EPHA6: variants seen among roughly 807,000 people sequenced by gnomAD.
EPHA6 encodes EPH receptor A6.
Under a neutral mutation model 112.0 loss-of-function variants are expected in EPHA6, and 50 were observed. The observed-to-expected ratio is 0.45, with a 90% CI of 0.36 to 0.56. The LOEUF is 0.56. EPHA6 is among the 20% of genes least tolerant of loss of function. The pLI, the probability that EPHA6 is intolerant of heterozygous loss-of-function variation, is 0.00. For missense variants in EPHA6, 1,280 were observed against 1,417.4 expected (o/e 0.90, Z 1.56); for synonymous variants, 529 against 490.7 (o/e 1.08, Z -1.03).
chr3:96,825,993 A>C (rs1268759970), intron 1 of EPHA6, among the ~76,000 whole-genome samples: 1 of 151,882 alleles, frequency 6.6e-6, no homozygotes, highest in African/African-American at 2.4e-5. Flanking sequence ...CTCACTTTGA[A>C]TACATCTAGG....
intron 1 of EPHA6, among the ~76,000 whole-genome samples, chr3:96,859,090 T>TA (rs2035860874): frequency 6.6e-6 from 1 of 150,518 alleles, no homozygotes; most frequent in African/African-American, 2.5e-5. Context: ...TTCTAAGACA[T>TA]ACATTTCTTG....
At chr3:97,046,110 C>A (rs1420793765) in intron 3 of EPHA6, among the ~76,000 whole-genome samples, 1 of 152,074 alleles carries the variant, frequency 6.6e-6, no homozygotes, top group Non-Finnish European at 1.5e-5. Flanking sequence ...TTAACACCTA[C>A]TTTACACAAG....
In EPHA6 at chr3:97,010,544, G is replaced by T. The variant is rs572801146; in HGVS notation, c.1114+22551G>T. Among the ~76,000 whole-genome samples the T allele has an allele frequency of 3.9e-5, 6 of 152,266 alleles. No homozygotes were observed. In the South Asian group the frequency reaches 1.2e-3, roughly 32 times the overall value. On this transcript the variant is annotated intron_variant, in intron 3 of 17. Transcript: ENST00000389672. Reference sequence around the variant, plus strand: ...CTTGTTATTTTTTAGCCATATATTAGTGGGTAGCATTTTTGTAATTAAACA... The same window carrying T: ...CTTGTTATTTTTTAGCCATATATTATTGGGTAGCATTTTTGTAATTAAACA...
intron 3 of EPHA6, among the ~76,000 whole-genome samples, chr3:97,000,579 A>T (rs2043617019): frequency 1.3e-5 from 2 of 151,706 alleles, no homozygotes; most frequent in South Asian, 4.2e-4. Context: ...TCACCTGTGG[A>T]TTTGTTGTTA....
At chr3:97,638,681 T>C (rs2093973318) in intron 14 of EPHA6, among the ~76,000 whole-genome samples, 1 of 152,190 alleles carries the variant, frequency 6.6e-6, no homozygotes, top group Non-Finnish European at 1.5e-5. Flanking sequence ...ATGGATAGTG[T>C]AAATATTTCT....
intron 3 of EPHA6, among the ~76,000 whole-genome samples, chr3:97,015,778 C>T (rs1225186794): frequency 2.7e-4 from 41 of 152,056 alleles, no homozygotes; most frequent in Admixed American, 2.6e-3. Context: ...TGACAAGGCT[C>T]CCAGACTCTG....
At chr3:97,733,125 A>T (rs1466591) in intron 15 of EPHA6, among the ~76,000 whole-genome samples, 149,350 of 152,136 alleles carry the variant, frequency 0.98, 73,328 homozygotes, top group East Asian at 0.99. Flanking sequence ...GTCAAGAGGC[A>T]TAAGCAACCT....
At chr3:97,552,516 A>C (rs910478003) in intron 11 of EPHA6, among the ~76,000 whole-genome samples, 4 of 152,190 alleles carry the variant, frequency 2.6e-5, no homozygotes, top group African/African-American at 9.7e-5. Flanking sequence ...TGGAATGAGG[A>C]GTGTATTTTG....
chr3:96,824,902 C>A (rs957697358), intron 1 of EPHA6, among the ~76,000 whole-genome samples: 7 of 151,640 alleles, frequency 4.6e-5, no homozygotes, highest in Non-Finnish European at 8.8e-5. Flanking sequence ...TGCCCTCCCG[C>A]AAAGGACAGT....
At chr3:97,611,887 G>T (rs376312232) in intron 13 of EPHA6, among the ~76,000 whole-genome samples, 6 of 151,274 alleles carry the variant, frequency 4.0e-5, no homozygotes, top group African/African-American at 1.2e-4. Flanking sequence ...TATTTTTCTT[G>T]GTTCTGGGCC....
intron 3 of EPHA6, among the ~76,000 whole-genome samples, chr3:97,223,646 G>C (rs2078267856): frequency 6.6e-6 from 1 of 152,176 alleles, no homozygotes; most frequent in African/African-American, 2.4e-5. Flanking sequence ...CCAATGGAAG[G>C]CTCTAAGTCC....
At chr3:97,353,711 A>G (rs1304912395) in intron 5 of EPHA6, among the ~76,000 whole-genome samples, 1 of 152,148 alleles carries the variant, frequency 6.6e-6, no homozygotes, top group Admixed American at 6.5e-5. Context: ...GCACCCCTGA[A>G]AGGAGGGAAA....
At chr3:97,560,162 A>T (rs2093169189) in intron 11 of EPHA6, among the ~76,000 whole-genome samples, 1 of 151,946 alleles carries the variant, frequency 6.6e-6, no homozygotes, top group Non-Finnish European at 1.5e-5. Flanking sequence ...ATTGAAATAA[A>T]AAAAAAAGAA....
chr3:97,333,793 T>C (rs558378581), intron 5 of EPHA6, among the ~76,000 whole-genome samples: 15 of 152,084 alleles, frequency 9.9e-5, no homozygotes, highest in Non-Finnish European at 2.2e-4. Context: ...CTCTATGTTT[T>C]TACCTCTTTT....
chr3:97,695,874 A>C (rs1177595216), intron 14 of EPHA6, among the ~76,000 whole-genome samples: 1 of 152,224 alleles, frequency 6.6e-6, no homozygotes, highest in Non-Finnish European at 1.5e-5. Context: ...ATTAATGCCC[A>C]AAATCACTGA....
At chr3:97,169,106 C>T (rs532734766) in intron 3 of EPHA6, among the ~76,000 whole-genome samples, 9 of 152,222 alleles carry the variant, frequency 5.9e-5, no homozygotes, top group Non-Finnish European at 1.3e-4. Context: ...TCAGAATGTT[C>T]AATGTAGTCA....
chr3:97,554,956 T>A (rs1222260813), intron 11 of EPHA6, among the ~76,000 whole-genome samples: 1 of 151,686 alleles, frequency 6.6e-6, no homozygotes, highest in Non-Finnish European at 1.5e-5. Flanking sequence ...ATACCTTAAG[T>A]TTTAGGTTAC....
chr3:96,963,146 A>G (rs1485892731), intron 2 of EPHA6, among the ~76,000 whole-genome samples: 1 of 139,928 alleles, frequency 7.1e-6, no homozygotes, highest in Non-Finnish European at 1.5e-5. Context: ...TGGATGACAG[A>G]GTGAAACTGC....
At chr3:97,139,427 G>A (rs565886464) in intron 3 of EPHA6, among the ~76,000 whole-genome samples, 1 of 152,066 alleles carries the variant, frequency 6.6e-6, no homozygotes, top group Non-Finnish European at 1.5e-5. Flanking sequence ...AATTCCTGCT[G>A]ACAGAAGTGC....
Sources: allele counts gnomAD v4.1 joint callset (sites outside exome capture counted in the v4.1 genomes callset), GRCh38; gene constraint gnomAD v4.1.1; transcripts MANE v1.5; gene names NCBI Gene and HGNC (gene_info 2026-07-23, HGNC 2026-07-21).